The following DDB2 variants were observed in gnomAD, a reference collection of about 807,000 sequenced individuals.
The protein encoded by DDB2 is damage specific DNA binding protein 2, also known as DNA damage-binding protein 2.
A neutral mutation model predicts 50.5 loss-of-function variants in DDB2; 27 were observed. The ratio of observed to expected loss-of-function variants is 0.53; its 90% CI spans 0.39 to 0.74. DDB2 has a LOEUF of 0.74. Ranked by LOEUF, DDB2 falls within the 30% of genes least tolerant of loss-of-function variation. The pLI is 0.00. For missense variants in DDB2, 424 were observed against 545.6 expected (o/e 0.78, Z 2.22); for synonymous variants, 176 against 205.5 (o/e 0.86, Z 1.23).
At chr11:47,235,166 A>C in intron 6 of DDB2, 104 bp from the exon 7 acceptor site, 2 of 1,505,554 alleles carry the variant, frequency 1.3e-6, no homozygotes, top group Non-Finnish European at 1.8e-6. Flanking sequence ...GCTCCTGTCT[A>C]GAGAGGAGTG....
At chr11:47,221,629 G>T (rs1369043870) in intron 3 of DDB2, 1 of 152,276 alleles carries the variant, frequency 6.6e-6, no homozygotes, top group Non-Finnish European at 1.5e-5. Flanking sequence ...ATTTTTAGTA[G>T]AGACGGGGTT....
chr11:47,226,278 C>CTTTTTTTT (rs759607243), intron 3 of DDB2, among the ~76,000 whole-genome samples: 3 of 139,286 alleles, frequency 2.2e-5, no homozygotes, highest in Non-Finnish European at 3.1e-5. Context: ...CATTTATTTT[C>CTTTTTTTT]TTTTTTTTTT....
At chr11:47,219,751 CATGAGGGGGAACCCAGGAG>C (rs1257276937) in intron 3 of DDB2, among the ~76,000 whole-genome samples, 1 of 152,068 alleles carries the variant, frequency 6.6e-6, no homozygotes, top group Admixed American at 6.6e-5. Context: ...TAAAGGTAGA[CATGAGGGGGAACCCAGGAG>C]GAGGTCTCTT....
chr11:47,227,289 T>C (rs1953574783), intron 3 of DDB2, among the ~76,000 whole-genome samples: 2 of 151,138 alleles, frequency 1.3e-5, no homozygotes, highest in South Asian at 4.2e-4. Flanking sequence ...GTGCTTTTAG[T>C]AGAGACAGGG....
At chr11:47,218,703 C>A (rs1953435372) in intron 3 of DDB2, among the ~76,000 whole-genome samples, 2 of 145,918 alleles carry the variant, frequency 1.4e-5, no homozygotes, top group Admixed American at 1.4e-4. Flanking sequence ...GGGTTTAGAG[C>A]AGGAGTCACA....
At chr11:47,226,278 C>CTTTTTTTTT (rs759607243) in intron 3 of DDB2, among the ~76,000 whole-genome samples, 1 of 139,288 alleles carries the variant, frequency 7.2e-6, no homozygotes, top group African/African-American at 2.6e-5. Context: ...CATTTATTTT[C>CTTTTTTTTT]TTTTTTTTTT....
chr11:47,227,432 A>G (rs1033519234), intron 3 of DDB2, among the ~76,000 whole-genome samples: 1 of 151,716 alleles, frequency 6.6e-6, no homozygotes, highest in African/African-American at 2.4e-5. Context: ...TATCAGATCT[A>G]TGATTTGAAA....
intron 3 of DDB2, 52 bp downstream of exon 3, chr11:47,217,101 T>C (rs759521227): frequency 1.4e-5 from 21 of 1,544,602 alleles, no homozygotes; most frequent in South Asian, 1.4e-4. Context: ...GTTGGCTGGG[T>C]GCAGTGGTTC....
chr11:47,233,007 G>T, intron 4 of DDB2, 48 bp downstream of exon 4: 1 of 1,604,268 alleles, frequency 6.2e-7, no homozygotes, highest in Non-Finnish European at 8.5e-7. Context: ...CTTAGGTGTA[G>T]TTCCGGCAAG....
intron 4 of DDB2, among the ~76,000 whole-genome samples, chr11:47,233,701 A>C (rs1383122193): frequency 2.1e-5 from 2 of 95,432 alleles, no homozygotes; most frequent in African/African-American, 4.4e-5. Flanking sequence ...AAGAGCGAAA[A>C]TCTATCTCAA....
intron 7 of DDB2, 136 bp from the exon 8 acceptor site, chr11:47,237,700 GT>G: frequency 1.2e-6 from 1 of 860,268 alleles, no homozygotes; most frequent in Non-Finnish European, 1.9e-6. Flanking sequence ...CTCCCAAAGT[GT>G]TGAGATTACA....
intron 3 of DDB2, chr11:47,217,344 C>T (rs886228510): frequency 4.9e-5 from 10 of 204,572 alleles, no homozygotes; most frequent in Non-Finnish European, 9.2e-5. Context: ...CCATTACACT[C>T]CAGCCTGGGC....
At chr11:47,225,988 C>T (rs1448153236) in intron 3 of DDB2, among the ~76,000 whole-genome samples, 1 of 152,160 alleles carries the variant, frequency 6.6e-6, no homozygotes, top group Non-Finnish European at 1.5e-5. Flanking sequence ...GCGTGTACCA[C>T]CTTTTGTTTA....
chr11:47,234,694 CT>C lies in DDB2; in HGVS notation c.702+25del, dbSNP rs1360845440. The C allele has an allele frequency of 1.9e-6, 3 of 1,613,878 alleles. 1 individual carries two copies. The South Asian group carries it at 3.3e-5, about 18-fold the overall frequency. The stretch of plus-strand genomic sequence containing the variant: ...AGAGGTGCGTTCTCCGAGGTCCTGC[CT>C]TTCCCTCCCTCACCCCCACCTCGGT... On this transcript the variant is annotated intron_variant, in intron 5 of 9. Coordinates refer to ENST00000256996, the MANE Select transcript of DDB2 (RefSeq NM_000107.3).
At chr11:47,228,120 C>G (rs1953586272) in intron 3 of DDB2, among the ~76,000 whole-genome samples, 1 of 117,346 alleles carries the variant, frequency 8.5e-6, no homozygotes, top group Non-Finnish European at 1.7e-5. Context: ...AGCCTGGCAA[C>G]AGAGTGAGGC....
intron 3 of DDB2, among the ~76,000 whole-genome samples, chr11:47,224,252 A>G (rs7395496): frequency 0.72 from 109,798 of 151,540 alleles, 41,311 homozygotes; most frequent in Non-Finnish European, 0.84. Context: ...TTTTGAGACA[A>G]AGTCTCACTC....
intron 3 of DDB2, among the ~76,000 whole-genome samples, chr11:47,222,071 A>G (rs1190657235): frequency 6.6e-6 from 1 of 152,200 alleles, no homozygotes. Flanking sequence ...CACCACAATT[A>G]AAATAACTCC....
intron 3 of DDB2, chr11:47,217,531 A>G (rs1392004295): frequency 6.5e-6 from 1 of 153,230 alleles, no homozygotes; most frequent in African/African-American, 2.4e-5. Flanking sequence ...TGATGATGAT[A>G]TATATTTTTC....
In DDB2 at chr11:47,215,272, T is replaced by A; in HGVS notation, c.127+9T>A. 6.2e-7 allele frequency: 1 copy of A among 1,613,834 alleles called. No homozygotes were observed. The highest frequency in any genetic ancestry group is 8.5e-7 in the Non-Finnish European group (1 of 1,179,964). On this transcript the variant is annotated intron_variant, in intron 1 of 9. Coordinates refer to ENST00000256996, the MANE Select transcript of DDB2 (RefSeq NM_000107.3). Reference sequence around the variant, plus strand: ...CTGTGCGAAGGGCTCCGGTACTGCCTGTGCCTGCTGCTTGAATATTTCCGC... The same window carrying A: ...CTGTGCGAAGGGCTCCGGTACTGCCAGTGCCTGCTGCTTGAATATTTCCGC...
Sources: gnomAD v4.1 joint callset for allele counts (sites outside exome capture counted in the v4.1 genomes callset) on GRCh38, gnomAD v4.1.1 for gene constraint, MANE v1.5 for transcripts, NCBI Gene and HGNC (gene_info 2026-07-23, HGNC 2026-07-21) for gene names.